Variants in LAMA2 observed in about 807,000 individuals in gnomAD.
The protein encoded by LAMA2 is laminin subunit alpha 2, also known as laminin subunit alpha-2.
In LAMA2, 269 loss-of-function variants were observed where a neutral mutation model predicts 364.8. The observed-to-expected ratio is 0.74, with a 90% confidence interval of 0.67 to 0.82. The LOEUF (loss-of-function observed/expected upper bound fraction) is 0.82. LAMA2 is among the 40% of genes least tolerant of loss of function. LAMA2 has a pLI of 0.00. For synonymous variants in LAMA2, 1,379 were observed against 1,370.6 expected, an observed-to-expected ratio of 1.01 and a Z score of -0.14; for missense variants, 3,807 against 3,873.2, an observed-to-expected ratio of 0.98 and a Z score of 0.45.
intron 45 of LAMA2, among the ~76,000 whole-genome samples, chr6:129,447,692 G>A (rs1782458734): frequency 6.6e-6 from 1 of 152,186 alleles, no homozygotes; most frequent in African/African-American, 2.4e-5. Flanking sequence ...CAGAAGCAGT[G>A]TATGGGGTAG....
rs1390217903 is a variant in LAMA2, at chr6:129,461,577, C to T, written c.6992+1253C>T. 6.6e-5 allele frequency among the ~76,000 whole-genome samples: 10 copies of T among 152,062 alleles called. No individual in the cohort carries two copies. The Middle Eastern group carries it at 0.014, about 207-fold the overall frequency. The stretch of plus-strand genomic sequence containing the variant: ...AAACCAACACCAACTTTTCCCTAAG[C>T]GTTTCTTTGGTAAACTTCTAAGTAG... On this transcript the variant is annotated intron_variant, in intron 49 of 64. Transcript: ENST00000421865.
intron 1 of LAMA2, among the ~76,000 whole-genome samples, chr6:128,983,075 G>A (rs897157670): frequency 8.6e-5 from 13 of 151,674 alleles, no homozygotes; most frequent in South Asian, 2.1e-4. Context: ...ATAAACATAC[G>A]TGTGCATGTG....
intron 1 of LAMA2, among the ~76,000 whole-genome samples, chr6:128,901,718 A>T (rs1399222673): frequency 6.6e-6 from 1 of 152,246 alleles, no homozygotes; most frequent in Non-Finnish European, 1.5e-5. Flanking sequence ...TCTGACAGTT[A>T]TATTAGCTAA....
intron 1 of LAMA2, among the ~76,000 whole-genome samples, chr6:129,014,835 T>G (rs1305591836): frequency 1.3e-5 from 2 of 151,968 alleles, no homozygotes; most frequent in Non-Finnish European, 2.9e-5. Flanking sequence ...TAAAATCTAA[T>G]AGAGTGGATA....
chr6:129,451,530 C>T (rs1408217723), intron 45 of LAMA2, among the ~76,000 whole-genome samples: 1 of 152,210 alleles, frequency 6.6e-6, no homozygotes, highest in Admixed American at 6.5e-5. Context: ...GAAACAGCCC[C>T]TGTTTCTCTC....
chr6:129,358,948 A>G (rs1391653062), intron 32 of LAMA2, among the ~76,000 whole-genome samples: 1 of 151,992 alleles, frequency 6.6e-6, no homozygotes, highest in Non-Finnish European at 1.5e-5. Context: ...TCCTGTCTTT[A>G]AGCCCTTCAC....
At chr6:129,177,613 A>C in intron 9 of LAMA2, 93 bp from the exon 10 acceptor site, 1 of 1,291,218 alleles carries the variant, frequency 7.7e-7, no homozygotes, top group Non-Finnish European at 1.1e-6. Context: ...TTTGTGTCAA[A>C]ATAGCATTTT....
In LAMA2 at chr6:129,139,765, A is replaced by T. The variant is rs192575976; in HGVS notation, c.640-4136A>T. On this transcript the variant is annotated intron_variant, in intron 4 of 64. Coordinates refer to ENST00000421865, the MANE Select transcript of LAMA2 (RefSeq NM_000426.4). Reference sequence around the variant, plus strand: ...GATGTCTCAGCCACTCATTTACATAAAAATTCTTTGTCCATATCTGTACAT... The same window carrying T: ...GATGTCTCAGCCACTCATTTACATATAAATTCTTTGTCCATATCTGTACAT... Among the ~76,000 whole-genome samples, 6 of 152,234 alleles carry T rather than the reference A, an allele frequency of 3.9e-5. No individual in the cohort carries two copies. The East Asian group carries it at 5.8e-4, about 15-fold the overall frequency.
intron 12 of LAMA2, among the ~76,000 whole-genome samples, chr6:129,223,261 G>C (rs185852861): frequency 4.3e-4 from 66 of 152,228 alleles, no homozygotes; most frequent in Middle Eastern, 6.8e-3. Context: ...CAGATGAGTA[G>C]ATTGCAAAAA....
intron 29 of LAMA2, 72 bp from the exon 30 acceptor site, chr6:129,342,271 G>T: frequency 7.6e-7 from 1 of 1,322,648 alleles, no homozygotes; most frequent in Non-Finnish European, 1.1e-6. Context: ...TCATAGCTAG[G>T]GACTGTATGA....
At chr6:129,225,967 C>CT (rs1784238802) in intron 12 of LAMA2, among the ~76,000 whole-genome samples, 2 of 152,118 alleles carry the variant, frequency 1.3e-5, no homozygotes, top group African/African-American at 2.4e-5. Context: ...GTGTGGGAGT[C>CT]TAAGTCTCTT....
chr6:128,929,208 A>AGC, intron 1 of LAMA2: 1 of 1,491,594 alleles, frequency 6.7e-7, no homozygotes, highest in Non-Finnish European at 9.3e-7. Context: ...GCTCCCACCC[A>AGC]GCGCCTTCTG....
intron 1 of LAMA2, among the ~76,000 whole-genome samples, chr6:128,928,077 T>C (rs1391033347): frequency 6.6e-6 from 1 of 152,190 alleles, no homozygotes; most frequent in Non-Finnish European, 1.5e-5. Context: ...ACATTCAGCA[T>C]AGTGACTTGG....
At chr6:129,493,962 A>G (rs925563419) in intron 58 of LAMA2, among the ~76,000 whole-genome samples, 1 of 152,198 alleles carries the variant, frequency 6.6e-6, no homozygotes, top group Admixed American at 6.5e-5. Context: ...GAGCTCCTCT[A>G]TGCATCAAGC....
intron 51 of LAMA2, among the ~76,000 whole-genome samples, chr6:129,470,660 GT>G (rs1042243315): frequency 1.4e-4 from 22 of 151,976 alleles, no homozygotes; most frequent in African/African-American, 4.8e-4. Context: ...TTCAGATAAA[GT>G]TTAAAAGAAC....
chr6:129,021,784 G>T (rs868424252), intron 1 of LAMA2, among the ~76,000 whole-genome samples: 1 of 152,192 alleles, frequency 6.6e-6, no homozygotes, highest in African/African-American at 2.4e-5. Flanking sequence ...AGTCAGAAAA[G>T]CTTGCTGTGT....
At chr6:129,453,161 C>G in intron 46 of LAMA2, 30 bp downstream of exon 46, 1 of 1,593,204 alleles carries the variant, frequency 6.3e-7, no homozygotes, top group Non-Finnish European at 8.6e-7. Flanking sequence ...TTTCATTAGG[C>G]TGCTGTATGT....
rs1364219129 is a variant in LAMA2 at position 129,473,377 on chromosome 6, A to G, written c.7439+25A>G. On this transcript the variant is annotated intron_variant, in intron 52 of 64. Transcript: ENST00000421865. ...GGTAATTTAGTTTATATGTAAAGCT[A>G]AGGATTAAGTTTTAATTAAATGACC... The G allele has an allele frequency of 1.9e-6, 3 of 1,605,390 alleles. No homozygotes were observed. The South Asian group carries it at 3.3e-5, about 18-fold the overall frequency.
At chr6:129,141,692 T>C (rs891479014) in intron 4 of LAMA2, among the ~76,000 whole-genome samples, 2 of 152,036 alleles carry the variant, frequency 1.3e-5, no homozygotes, top group Admixed American at 1.3e-4. Flanking sequence ...TGTCAAAAAA[T>C]GTAATTAACA....
Sources: allele counts gnomAD v4.1 joint callset (sites outside exome capture counted in the v4.1 genomes callset), GRCh38; gene constraint gnomAD v4.1.1; transcripts MANE v1.5; gene names NCBI Gene and HGNC (gene_info 2026-07-23, HGNC 2026-07-21).